CREB5: variants seen among roughly 807,000 people sequenced by gnomAD.
The protein encoded by CREB5 is cAMP responsive element binding protein 5, also known as cyclic AMP-responsive element-binding protein 5.
In CREB5, 19 loss-of-function variants were observed where a neutral mutation model predicts 57.1. The observed-to-expected ratio is 0.33, with a 90% CI of 0.23 to 0.49. The LOEUF (loss-of-function observed/expected upper bound fraction) is 0.49, where lower values mean the gene tolerates loss of function less well. Among genes scored for constraint, CREB5 ranks in the 20% least tolerant of loss-of-function variants. The pLI, the probability that CREB5 is intolerant of heterozygous loss-of-function variation, is 0.99. For missense variants in CREB5, 579 were observed against 671.6 expected (o/e 0.86, Z 1.52); for synonymous variants, 238 against 238.3 (o/e 1.00, Z 0.01).
chr7:28,608,805 A>G, intron 5 of CREB5, among the ~76,000 whole-genome samples: 1 of 152,222 alleles, frequency 6.6e-6, no homozygotes, highest in Non-Finnish European at 1.5e-5. Context: ...AAGGCTAATG[A>G]TAGGGACTGT....
intron 3 of CREB5, among the ~76,000 whole-genome samples, chr7:28,497,996 A>G (rs892495438): frequency 4.6e-5 from 7 of 152,222 alleles, no homozygotes; most frequent in African/African-American, 1.7e-4. Context: ...CATACTGTCC[A>G]TGATGAGTTT....
intron 1 of CREB5, among the ~76,000 whole-genome samples, chr7:28,394,019 T>C (rs1787283027): frequency 7.9e-6 from 1 of 126,316 alleles, no homozygotes; most frequent in Non-Finnish European, 1.6e-5. Context: ...TGCAGTGAGC[T>C]GACATCATGC....
intron 5 of CREB5, among the ~76,000 whole-genome samples, chr7:28,684,727 T>C (rs1800772576): frequency 7.3e-6 from 1 of 137,656 alleles, no homozygotes; most frequent in Non-Finnish European, 1.6e-5. Context: ...CAAGCCATGG[T>C]CATTTTTGGA....
chr7:28,575,548 G>A (rs970464717), intron 5 of CREB5, among the ~76,000 whole-genome samples: 1 of 152,216 alleles, frequency 6.6e-6, no homozygotes, highest in South Asian at 2.1e-4. Context: ...ACAGGCTAAT[G>A]CTGGGGATAT....
intron 1 of CREB5, among the ~76,000 whole-genome samples, chr7:28,404,812 T>C (rs867750307): frequency 3.9e-5 from 6 of 152,178 alleles, no homozygotes; most frequent in Admixed American, 2.0e-4. Context: ...TTCTCAACTT[T>C]CCTGATTCTT....
chr7:28,396,072 A>C (rs757047506), intron 1 of CREB5, among the ~76,000 whole-genome samples: 1 of 152,216 alleles, frequency 6.6e-6, no homozygotes, highest in African/African-American at 2.4e-5. Context: ...CCCCTGAAAC[A>C]TTTGCAAATG....
chr7:28,570,797 G>A (rs765378558), intron 5 of CREB5, among the ~76,000 whole-genome samples: 44 of 152,058 alleles, frequency 2.9e-4, no homozygotes, highest in Admixed American at 2.6e-3. Context: ...CAAGATTTAT[G>A]AACTTTAAGA....
chr7:28,521,454 C>A (rs1344546885), intron 4 of CREB5, among the ~76,000 whole-genome samples: 1 of 152,124 alleles, frequency 6.6e-6, no homozygotes, highest in East Asian at 1.9e-4. Flanking sequence ...ATTGGAGCTC[C>A]GACTCTGAGC....
At chr7:28,388,948 G>C (rs1787160451) in intron 1 of CREB5, among the ~76,000 whole-genome samples, 1 of 152,194 alleles carries the variant, frequency 6.6e-6, no homozygotes, top group Non-Finnish European at 1.5e-5. Context: ...TCAAGGCTGT[G>C]GTGACATGTG....
At chr7:28,521,435 G>A (rs530012674) in intron 4 of CREB5, among the ~76,000 whole-genome samples, 1 of 152,272 alleles carries the variant, frequency 6.6e-6, no homozygotes, top group East Asian at 1.9e-4. Context: ...GCTCTTTAAT[G>A]AGAGCCACAT....
At chr7:28,456,129 A>G (rs1467656005) in intron 1 of CREB5, among the ~76,000 whole-genome samples, 1 of 152,164 alleles carries the variant, frequency 6.6e-6, no homozygotes, top group Non-Finnish European at 1.5e-5. Context: ...ATGCTTAGGC[A>G]GGCTGCTGAC....
chr7:28,560,879 C>CGCGTGTGT (rs1795131480), intron 4 of CREB5, among the ~76,000 whole-genome samples: 9 of 22,058 alleles, frequency 4.1e-4, no homozygotes, highest in Non-Finnish European at 7.2e-4. Flanking sequence ...CGTGCGCGTG[C>CGCGTGTGT]GTGCGTGCGT....
At chr7:28,361,192 C>A (rs991048149) in intron 1 of CREB5, among the ~76,000 whole-genome samples, 3 of 152,132 alleles carry the variant, frequency 2.0e-5, no homozygotes, top group African/African-American at 7.2e-5. Flanking sequence ...AATAAAGCAG[C>A]GCAACTAACT....
At chr7:28,743,487 T>C (rs1804495717) in intron 7 of CREB5, among the ~76,000 whole-genome samples, 1 of 152,182 alleles carries the variant, frequency 6.6e-6, no homozygotes, top group Non-Finnish European at 1.5e-5. Flanking sequence ...GAGCTGTGAT[T>C]GCACCACTAC....
At chr7:28,406,569 C>G (rs1243013266) in intron 1 of CREB5, among the ~76,000 whole-genome samples, 1 of 152,228 alleles carries the variant, frequency 6.6e-6, no homozygotes, top group African/African-American at 2.4e-5. Flanking sequence ...ACACGTCTGA[C>G]AGGCCACAAT....
chr7:28,814,984 T>C (rs1809341651), intron 9 of CREB5, among the ~76,000 whole-genome samples: 1 of 152,214 alleles, frequency 6.6e-6, no homozygotes, highest in African/African-American at 2.4e-5. Context: ...TTAAGAAATA[T>C]GTCCTGCCAG....
intron 4 of CREB5, among the ~76,000 whole-genome samples, chr7:28,559,303 A>G (rs905382458): frequency 1.3e-5 from 2 of 151,996 alleles, no homozygotes; most frequent in African/African-American, 4.8e-5. Context: ...ATCAGCATAT[A>G]GGTTTTTTGT....
chr7:28,621,197 G>A (rs1797777177), intron 5 of CREB5, among the ~76,000 whole-genome samples: 1 of 151,880 alleles, frequency 6.6e-6, no homozygotes, highest in Non-Finnish European at 1.5e-5. Flanking sequence ...GGGGTTGGGG[G>A]GTGGGGGTCA....
At chr7:28,716,221 A>G (rs923580942) in intron 5 of CREB5, among the ~76,000 whole-genome samples, 6 of 152,130 alleles carry the variant, frequency 3.9e-5, no homozygotes, top group African/African-American at 1.4e-4. Flanking sequence ...TTTTTGAAAA[A>G]GAACACCTCA....
Sources: allele counts gnomAD v4.1 joint callset (sites outside exome capture counted in the v4.1 genomes callset), GRCh38; gene constraint gnomAD v4.1.1; transcripts MANE v1.5; gene names NCBI Gene and HGNC (gene_info 2026-07-23, HGNC 2026-07-21).